The following BABAM2 variants were observed in gnomAD, a reference collection of about 807,000 sequenced individuals.
BABAM2 encodes BRISC and BRCA1 A complex member 2, also known as BRISC and BRCA1-A complex member 2.
BABAM2 carries 31 observed loss-of-function variants against 54.7 expected under a neutral mutation model. That is an observed-to-expected ratio of 0.57 (90% CI 0.43 to 0.77). The LOEUF (loss-of-function observed/expected upper bound fraction) is 0.77. Among genes scored for constraint, BABAM2 ranks in the 30% least tolerant of loss-of-function variants. The pLI is 0.00. For missense variants in BABAM2, 364 were observed against 455.8 expected, an observed-to-expected ratio of 0.80 and a Z score of 1.83; for synonymous variants, 167 against 162.9, an observed-to-expected ratio of 1.03 and a Z score of -0.19.
intron 6 of BABAM2, among the ~76,000 whole-genome samples, chr2:28,076,130 C>G (rs947301894): frequency 1.3e-5 from 2 of 151,912 alleles, no homozygotes; most frequent in Non-Finnish European, 2.9e-5. Context: ...TAAAAATTAA[C>G]TGGGCATGGT....
At chr2:28,209,555 C>G (rs1679235096) in intron 7 of BABAM2, among the ~76,000 whole-genome samples, 1 of 152,128 alleles carries the variant, frequency 6.6e-6, no homozygotes, top group Non-Finnish European at 1.5e-5. Context: ...GGAGGGGAGG[C>G]CTGCCAGATC....
intron 7 of BABAM2, among the ~76,000 whole-genome samples, chr2:28,216,562 C>G (rs1679934935): frequency 6.6e-6 from 1 of 152,158 alleles, no homozygotes; most frequent in Non-Finnish European, 1.5e-5. Context: ...ATCTGAAGTT[C>G]AGGTTGATGG....
chr2:28,022,879 T>C (rs1675374009), intron 4 of BABAM2, among the ~76,000 whole-genome samples: 1 of 152,238 alleles, frequency 6.6e-6, no homozygotes, highest in Non-Finnish European at 1.5e-5. Context: ...GTTTTTAAAA[T>C]ATGCCCTATT....
At chr2:28,088,981 A>G (rs571474372) in intron 6 of BABAM2, among the ~76,000 whole-genome samples, 7 of 152,286 alleles carry the variant, frequency 4.6e-5, no homozygotes, top group African/African-American at 1.4e-4. Context: ...CTAAGTCTCT[A>G]AATCAGTGCC....
intron 10 of BABAM2, among the ~76,000 whole-genome samples, chr2:28,279,937 G>T (rs2148190348): frequency 6.6e-6 from 1 of 152,192 alleles, no homozygotes; most frequent in South Asian, 2.1e-4. Flanking sequence ...CAAAGTGCTG[G>T]GATTACAGGC....
At chr2:28,316,652 G>A (rs73925311) in intron 11 of BABAM2, among the ~76,000 whole-genome samples, 10,674 of 152,056 alleles carry the variant, frequency 0.07, 466 homozygotes, top group African/African-American at 0.11. Context: ...CATAGAATAC[G>A]AGCACGTCTC....
intron 3 of BABAM2, among the ~76,000 whole-genome samples, chr2:27,956,254 G>C (rs1223963271): frequency 6.6e-6 from 1 of 152,110 alleles, no homozygotes; most frequent in Non-Finnish European, 1.5e-5. Flanking sequence ...GGAAAGATAA[G>C]TTGTGCTGCT....
At chr2:28,221,692 T>A (rs1680437045) in intron 7 of BABAM2, among the ~76,000 whole-genome samples, 1 of 152,234 alleles carries the variant, frequency 6.6e-6, no homozygotes, top group Non-Finnish European at 1.5e-5. Flanking sequence ...GATTGAAATT[T>A]GTCGTTTACA....
At chr2:28,298,521 G>C in intron 11 of BABAM2, 30 bp downstream of exon 11, 1 of 1,613,512 alleles carries the variant, frequency 6.2e-7, no homozygotes, top group Non-Finnish European at 8.5e-7. Context: ...TTTCCAACAG[G>C]TAAGAGCATT....
intron 3 of BABAM2, among the ~76,000 whole-genome samples, chr2:27,984,984 C>T (rs769897753): frequency 9.9e-5 from 15 of 151,472 alleles, no homozygotes; most frequent in Non-Finnish European, 1.6e-4. Context: ...TTAGAATAAT[C>T]GTCTCCAATT....
intron 10 of BABAM2, among the ~76,000 whole-genome samples, chr2:28,259,541 T>C (rs1684310311): frequency 6.6e-6 from 1 of 152,166 alleles, no homozygotes; most frequent in Admixed American, 6.5e-5. Context: ...CAAATATTGG[T>C]TGAGAATATT....
chr2:28,089,573 C>T (rs1465197377), intron 6 of BABAM2, among the ~76,000 whole-genome samples: 1 of 152,056 alleles, frequency 6.6e-6, no homozygotes, highest in Non-Finnish European at 1.5e-5. Context: ...GATAACCTGA[C>T]AAGAAAAAAA....
chr2:28,203,676 T>G (rs1453469565), intron 7 of BABAM2, among the ~76,000 whole-genome samples: 1 of 152,224 alleles, frequency 6.6e-6, no homozygotes, highest in African/African-American at 2.4e-5. Context: ...ATAGGTGATA[T>G]ACTAAGGTTC....
chr2:28,298,962 C>A (rs1021548642), intron 11 of BABAM2, among the ~76,000 whole-genome samples: 3 of 152,246 alleles, frequency 2.0e-5, no homozygotes, highest in Non-Finnish European at 4.4e-5. Flanking sequence ...TTGGCAGCTA[C>A]TTTTTATAGT....
intron 10 of BABAM2, among the ~76,000 whole-genome samples, chr2:28,279,009 T>C (rs920737271): frequency 1.3e-5 from 2 of 152,256 alleles, no homozygotes; most frequent in Non-Finnish European, 2.9e-5. Flanking sequence ...TTTGAGAATT[T>C]GGGGAATTAA....
At chr2:28,251,598 C>T (rs1054292126) in intron 10 of BABAM2, among the ~76,000 whole-genome samples, 2 of 152,114 alleles carry the variant, frequency 1.3e-5, no homozygotes, top group Admixed American at 6.6e-5. Context: ...AGTGTTTCGT[C>T]GTAGAATATT....
upstream of BABAM2, chr2:27,890,118 TTCGAAA>T: frequency 2.9e-6 from 2 of 686,762 alleles, no homozygotes; most frequent in Non-Finnish European, 4.9e-6. This position sits in a 1 kb window ranked among gnomAD's most constrained non-coding sequence, Gnocchi z 4.8. Flanking sequence ...GGCTGAAGGC[TTCGAAA>T]ACCTGCAGCT....
chr2:28,158,539 A>T (rs1672765659), intron 7 of BABAM2, among the ~76,000 whole-genome samples: 1 of 152,254 alleles, frequency 6.6e-6, no homozygotes, highest in Non-Finnish European at 1.5e-5. Flanking sequence ...AAATCTCAGT[A>T]CCAGTATGAG....
intron 10 of BABAM2, among the ~76,000 whole-genome samples, chr2:28,265,541 C>T (rs1684907923): frequency 1.3e-5 from 2 of 152,188 alleles, no homozygotes; most frequent in Admixed American, 6.5e-5. Flanking sequence ...CTCTCCATGA[C>T]TCCTGGGTAT....
Sources: allele counts gnomAD v4.1 joint callset (sites outside exome capture counted in the v4.1 genomes callset), GRCh38; gene constraint gnomAD v4.1.1; non-coding constraint Gnocchi (gnomAD v3.1); transcripts MANE v1.5; gene names NCBI Gene and HGNC (gene_info 2026-07-23, HGNC 2026-07-21).